KCNK2: variants seen among roughly 807,000 people sequenced by gnomAD.
The protein encoded by KCNK2 is potassium channel subfamily K member 2.
KCNK2 carries 21 observed loss-of-function variants against 40.5 expected under a neutral mutation model. That is an observed-to-expected ratio of 0.52 (90% CI 0.37 to 0.75). KCNK2 has a LOEUF of 0.75. Ranked by LOEUF, KCNK2 falls within the 30% of genes least tolerant of loss-of-function variation. KCNK2 has a pLI of 0.00. For synonymous variants in KCNK2, 191 were observed against 202.2 expected (o/e 0.94, Z 0.47); for missense variants, 399 against 531.6 (o/e 0.75, Z 2.45).
chr1:215,110,274 TA>T (rs1339822830), intron 2 of KCNK2, among the ~76,000 whole-genome samples: 2 of 152,062 alleles, frequency 1.3e-5, no homozygotes, highest in Non-Finnish European at 2.9e-5. Flanking sequence ...GTCTTAGCCA[TA>T]ACATTTTTGC....
chr1:215,164,627 A>G (rs968139915), intron 3 of KCNK2, among the ~76,000 whole-genome samples: 3 of 152,084 alleles, frequency 2.0e-5, no homozygotes, highest in Non-Finnish European at 4.4e-5. Context: ...CTTTGTTCTC[A>G]TTGGTTTCAA....
At chr1:215,095,479 T>C (rs1210353982) in intron 2 of KCNK2, among the ~76,000 whole-genome samples, 2 of 152,126 alleles carry the variant, frequency 1.3e-5, no homozygotes, top group Admixed American at 1.3e-4. Flanking sequence ...GTTTTACAGA[T>C]GAGTAAATTG....
intron 4 of KCNK2, among the ~76,000 whole-genome samples, chr1:215,169,566 C>T (rs1384756721): frequency 6.6e-6 from 1 of 151,848 alleles, no homozygotes; most frequent in African/African-American, 2.4e-5. Flanking sequence ...ATGAGAAAAA[C>T]TCAAAAGTAT....
Position 215,083,210 on chromosome 1 carries a change from T to TCCCCCC in KCNK2, c.-173_-172insCCCCCC. 7.7e-6 allele frequency: 3 copies of TCCCCCC among 391,892 alleles called. No homozygotes were observed. Among genetic ancestry groups the TCCCCCC allele is most frequent in the South Asian group, 6.3e-5 (2 of 31,870 alleles). 24.3% of individuals were successfully genotyped at this position (391,892 alleles called of 1,614,324 possible). ...TTCTCACGCTCCCCCCCCCGCCCCC[T>TCCCCCC]CCCGCGTCCAGCCCCGCTCTCCCCA... On this transcript the variant is annotated 5_prime_UTR_variant, in exon 1 of 7. Transcript: ENST00000444842.
intron 1 of KCNK2, among the ~76,000 whole-genome samples, chr1:215,070,044 C>T (rs185615688): frequency 1.2e-3 from 183 of 152,134 alleles, no homozygotes; most frequent in Non-Finnish European, 2.2e-3. Flanking sequence ...AAGAATAATT[C>T]AGATGAGATG....
intron 1 of KCNK2, among the ~76,000 whole-genome samples, chr1:215,048,172 A>G (rs149152883): frequency 1.3e-5 from 2 of 152,322 alleles, no homozygotes; most frequent in East Asian, 3.9e-4. Flanking sequence ...ATAGCTGCGT[A>G]CAATCCCTCA....
upstream of KCNK2, among the ~76,000 whole-genome samples, chr1:215,082,471 G>A (rs1448145253): frequency 6.6e-6 from 1 of 152,138 alleles, no homozygotes; most frequent in Admixed American, 6.5e-5. Flanking sequence ...AGGATGCAGC[G>A]CAGTGTGATG....
intron 2 of KCNK2, among the ~76,000 whole-genome samples, chr1:215,094,628 T>C (rs1263419627): frequency 6.6e-6 from 1 of 152,156 alleles, no homozygotes; most frequent in Non-Finnish European, 1.5e-5. Flanking sequence ...TTTTCTTGTA[T>C]AACTACATCA....
chr1:215,208,946 G>C (rs1030316540), intron 6 of KCNK2, among the ~76,000 whole-genome samples: 1 of 151,670 alleles, frequency 6.6e-6, no homozygotes, highest in Non-Finnish European at 1.5e-5. Flanking sequence ...TCCTGTCTCG[G>C]CATGCATAGT....
At chr1:215,223,052 G>GA (rs1048272063) in intron 6 of KCNK2, among the ~76,000 whole-genome samples, 1 of 151,846 alleles carries the variant, frequency 6.6e-6, no homozygotes. Flanking sequence ...AAAGGGACAG[G>GA]AAAAAATCCC....
chr1:215,107,295 C>T (rs1558094021), intron 2 of KCNK2, among the ~76,000 whole-genome samples: 2 of 151,756 alleles, frequency 1.3e-5, no homozygotes, highest in Non-Finnish European at 2.9e-5. Context: ...TTGTAGAGAC[C>T]TTTCATCTTC....
intron 3 of KCNK2, among the ~76,000 whole-genome samples, chr1:215,130,884 G>A (rs887507881): frequency 6.6e-5 from 10 of 151,340 alleles, no homozygotes; most frequent in Non-Finnish European, 1.2e-4. Context: ...TTTTTGAGAC[G>A]GAGTCCCGCT....
At chr1:215,082,482 T>C (rs1327307259), upstream of KCNK2, among the ~76,000 whole-genome samples, 2 of 151,780 alleles carry the variant, frequency 1.3e-5, no homozygotes, top group Non-Finnish European at 2.9e-5. Context: ...CAGTGTGATG[T>C]GGATGCCAGA....
chr1:215,095,396 T>A (rs1323251797), intron 2 of KCNK2, among the ~76,000 whole-genome samples: 1 of 152,142 alleles, frequency 6.6e-6, no homozygotes, highest in East Asian at 1.9e-4. Context: ...AGTCTGCATC[T>A]TCCTAGAGAT....
At chr1:215,174,970 G>T (rs1234872377) in intron 5 of KCNK2, among the ~76,000 whole-genome samples, 1 of 151,998 alleles carries the variant, frequency 6.6e-6, no homozygotes. Flanking sequence ...TCTTTCTCCT[G>T]CCTGATTGCC....
chr1:215,189,692 T>C (rs1283458999), intron 5 of KCNK2, among the ~76,000 whole-genome samples: 2 of 152,186 alleles, frequency 1.3e-5, no homozygotes, highest in South Asian at 4.1e-4. Context: ...AATACTGAAG[T>C]CATATTTCCA....
intron 1 of KCNK2, among the ~76,000 whole-genome samples, chr1:215,058,371 C>A (rs990367125): frequency 6.6e-6 from 1 of 152,166 alleles, no homozygotes; most frequent in Non-Finnish European, 1.5e-5. Flanking sequence ...ATTAGTTATG[C>A]AGATTGGAGT....
chr1:215,187,083 C>T (rs148762607), intron 5 of KCNK2, among the ~76,000 whole-genome samples: 1 of 152,192 alleles, frequency 6.6e-6, no homozygotes, highest in East Asian at 1.9e-4. Context: ...AATCCTCTTG[C>T]CTCAGCCTCC....
intron 3 of KCNK2, among the ~76,000 whole-genome samples, chr1:215,125,764 ATATATATATATAT>A (rs1323867236): frequency 9.4e-6 from 1 of 106,050 alleles, no homozygotes; most frequent in East Asian, 3.0e-4. Flanking sequence ...ATATATATAT[ATATATATATATAT>A]AAAATAAAAT....
Sources: gnomAD v4.1 joint callset for allele counts (sites outside exome capture counted in the v4.1 genomes callset) on GRCh38, gnomAD v4.1.1 for gene constraint, MANE v1.5 for transcripts, NCBI Gene and HGNC (gene_info 2026-07-23, HGNC 2026-07-21) for gene names.